The following UBA6 variants were observed in gnomAD, a reference collection of about 807,000 sequenced individuals.
UBA6 encodes the protein ubiquitin like modifier activating enzyme 6, also known as ubiquitin-like modifier-activating enzyme 6.
Under a neutral mutation model 148.3 loss-of-function variants are expected in UBA6, and 87 were observed. That is an observed-to-expected ratio of 0.59 (90% CI 0.49 to 0.70). The LOEUF (loss-of-function observed/expected upper bound fraction) is 0.70, where lower values mean the gene tolerates loss of function less well. UBA6 is among the 30% of genes least tolerant of loss of function. UBA6 has a pLI of 0.00. For synonymous variants in UBA6, 376 were observed against 401.0 expected (o/e 0.94, Z 0.75); for missense variants, 1,186 against 1,241.2 (o/e 0.96, Z 0.67).
chr4:67,677,166 T>C (rs977250620), intron 6 of UBA6, among the ~76,000 whole-genome samples: 5 of 152,328 alleles, frequency 3.3e-5, no homozygotes, highest in East Asian at 3.9e-4. Flanking sequence ...GAAATGTGCA[T>C]GTGTGGCTGG....
At chr4:67,699,241 C>T (rs978414071) in intron 1 of UBA6, among the ~76,000 whole-genome samples, 1 of 152,120 alleles carries the variant, frequency 6.6e-6, no homozygotes, top group Non-Finnish European at 1.5e-5. Context: ...GAAGTGGAGG[C>T]CATTCCTAGT....
Position 67,619,002 on chromosome 4 carries a change from CAGTGTCATGACTGAAGT to C in UBA6, c.3137_3153del (p.Tyr1046Ter), listed in dbSNP as rs1728690583. 6.2e-7 allele frequency: 1 copy of C among 1,613,236 alleles called. No individual in the cohort carries two copies. The highest frequency in any genetic ancestry group is 1.3e-5 in the African/African-American group (1 of 74,882). Reference sequence around the variant, plus strand: ...TAACGTTAAGACAACTTGTATTAATCAGTGTCATGACTGAAGTAGTATCTTACTGGAGGTCCCGGCAA... The same window carrying C: ...TAACGTTAAGACAACTTGTATTAATCAGTATCTTACTGGAGGTCCCGGCAA... On this transcript the variant is annotated frameshift_variant, in exon 33 of 33. Coordinates refer to ENST00000322244, the MANE Select transcript of UBA6 (RefSeq NM_018227.6). LOFTEE classifies it high-confidence loss of function.
rs1295509576 is a variant in UBA6, at chr4:67,615,635, T to C, written c.*3362A>G. On this transcript the variant is annotated 3_prime_UTR_variant, in exon 33 of 33. Transcript: ENST00000322244. Reference sequence around the variant, plus strand: ...CCTGAAACTAAAAACATCCCAATTGTCTACAGTAAATAAATTGTGGCATAT... The same window carrying C: ...CCTGAAACTAAAAACATCCCAATTGCCTACAGTAAATAAATTGTGGCATAT... The C allele has an allele frequency of 6.6e-6, 1 of 152,304 alleles. No homozygotes were observed. Among genetic ancestry groups the C allele is most frequent in the East Asian group, 1.9e-4 (1 of 5,204 alleles). 9.4% of individuals were successfully genotyped at this position (152,304 alleles called of 1,614,324 possible).
intron 4 of UBA6, 34 bp from the exon 5 acceptor site, chr4:67,678,567 G>T: frequency 7.9e-7 from 1 of 1,259,428 alleles, no homozygotes; most frequent in Non-Finnish European, 1.1e-6. Flanking sequence ...GTTGAAGTCA[G>T]GAGTTCAAGG....
At chr4:67,696,332 T>G (rs1050760738) in intron 2 of UBA6, among the ~76,000 whole-genome samples, 2 of 151,988 alleles carry the variant, frequency 1.3e-5, no homozygotes, top group East Asian at 3.9e-4. Context: ...ATTATCCGAA[T>G]GTAGATAAAA....
chr4:67,624,971 T>C, intron 29 of UBA6, 23 bp downstream of exon 29: 1 of 1,556,268 alleles, frequency 6.4e-7, no homozygotes, highest in Non-Finnish European at 8.8e-7. Flanking sequence ...GGAGCATTTT[T>C]ATTCAAGGAA....
chr4:67,670,023 A>G (rs11131720), intron 8 of UBA6, among the ~76,000 whole-genome samples: 34,944 of 152,130 alleles, frequency 0.23, 4,176 homozygotes, highest in Middle Eastern at 0.3. Context: ...ATCTTGGCTT[A>G]CTGCAACTTC....
At chr4:67,687,577 G>A (rs116093221) in intron 2 of UBA6, among the ~76,000 whole-genome samples, 22 of 152,104 alleles carry the variant, frequency 1.4e-4, no homozygotes, top group Non-Finnish European at 2.8e-4. Flanking sequence ...TAAAAATGAA[G>A]GTCTTGAACT....
chr4:67,625,418 T>C (rs1728844960), intron 28 of UBA6, among the ~76,000 whole-genome samples: 1 of 151,552 alleles, frequency 6.6e-6, no homozygotes, highest in African/African-American at 2.4e-5. Flanking sequence ...AACGATGGTT[T>C]TAATGCCACT....
rs1030177054 is a variant in UBA6, at chr4:67,617,960, A to T, written c.*1037T>A. The stretch of plus-strand genomic sequence containing the variant: ...GAAAACAAAGTTTCTCTCAATAAAG[A>T]CCTTAAAAAATAAATTTTTATCTTC... On this transcript the variant is annotated 3_prime_UTR_variant, in exon 33 of 33. Coordinates refer to ENST00000322244, the MANE Select transcript of UBA6 (RefSeq NM_018227.6). 6.6e-6 allele frequency: 1 copy of T among 151,492 alleles called. No homozygotes were observed. The highest frequency in any genetic ancestry group is 2.4e-5 in the African/African-American group (1 of 41,274). 9.4% of individuals were successfully genotyped at this position (151,492 alleles called of 1,614,324 possible). A position where few individuals can be genotyped will look rare whatever the true frequency, so the allele number is the denominator to read the frequency against.
In UBA6 at chr4:67,619,060, A is replaced by T. The variant is rs1728692997; in HGVS notation, c.3096T>A (p.Ile1032=). ...GTCCCGGCAAATCTTCATCTCCATC[A>T]ATGTCTGGAGCAAATGACACAGTAA... is the stretch of plus-strand genomic sequence containing the variant. ...VDLTVSFAPD[I]DGDEDLPGPP... is the part of the protein sequence containing the mutation. Residue 1032 remains isoleucine, a synonymous_variant, in exon 33 of 33, where the codon ATT becomes ATA. Transcript: ENST00000322244. 2 of 1,612,586 alleles carry T rather than the reference A, an allele frequency of 1.2e-6. No individual in the cohort carries two copies. Among genetic ancestry groups the T allele is most frequent in the Non-Finnish European group, 1.7e-6 (2 of 1,178,754 alleles).
At chr4:67,676,119 G>A (rs1246640384) in intron 6 of UBA6, among the ~76,000 whole-genome samples, 1 of 151,044 alleles carries the variant, frequency 6.6e-6, no homozygotes, top group African/African-American at 2.4e-5. Flanking sequence ...CGCCTCCCGG[G>A]TTCAAGCGAT....
intron 29 of UBA6, among the ~76,000 whole-genome samples, 153 bp downstream of exon 29, chr4:67,624,841 A>G (rs1728828739): frequency 6.6e-6 from 1 of 152,078 alleles, no homozygotes; most frequent in Admixed American, 6.6e-5. Context: ...AGATGACTGC[A>G]TTTTCAGAAA....
chr4:67,681,702 C>T lies in UBA6; in HGVS notation c.230-111G>A, dbSNP rs111706810. ...TGCATACTTTTAACTTCTTTTTTTA[C>T]TACTTAATACAAGTTCCTTGTCTTA... On this transcript the variant is annotated intron_variant, in intron 3 of 32. Transcript: ENST00000322244. 3.5e-3 allele frequency: 2,355 copies of T among 677,286 alleles called. 54 individuals are homozygous for T. The African/African-American group carries it at 0.04, about 11-fold the overall frequency. The allele number at this position is 677,286 out of a possible 1,614,324, so 42.0% of individuals were successfully genotyped here.
intron 13 of UBA6, among the ~76,000 whole-genome samples, chr4:67,652,811 C>T (rs1019189838): frequency 3.3e-5 from 5 of 152,344 alleles, no homozygotes; most frequent in Admixed American, 1.3e-4. Context: ...AAAAACGGTA[C>T]ACTTCCGCCC....
At position 67,631,927 on chromosome 4, in the gene UBA6, T is replaced by A; in HGVS notation, c.2143-19A>T. 1 of 1,604,896 alleles carries A rather than the reference T, an allele frequency of 6.2e-7. No homozygotes were observed. The highest frequency in any genetic ancestry group is 8.5e-7 in the Non-Finnish European group (1 of 1,175,794). ...GAAGAGCCTAAAGAAAAAAAATGAA[T>A]TAAAGACACCCACTACTTAATATTA... On this transcript the variant is annotated intron_variant, in intron 23 of 32. Coordinates refer to ENST00000322244, the MANE Select transcript of UBA6 (RefSeq NM_018227.6).
intron 28 of UBA6, among the ~76,000 whole-genome samples, chr4:67,625,405 A>G (rs1728843860): frequency 6.6e-6 from 1 of 151,718 alleles, no homozygotes; most frequent in Non-Finnish European, 1.5e-5. Flanking sequence ...TTAAAAAAAA[A>G]AAAACGATGG....
intron 2 of UBA6, among the ~76,000 whole-genome samples, chr4:67,685,082 G>A (rs1730526210): frequency 6.6e-6 from 1 of 151,988 alleles, no homozygotes; most frequent in Non-Finnish European, 1.5e-5. Context: ...AGGTTTATGA[G>A]AGAGAGAAAA....
chr4:67,681,484 G>T, intron 4 of UBA6, 79 bp downstream of exon 4: 1 of 908,010 alleles, frequency 1.1e-6, no homozygotes, highest in Non-Finnish European at 1.7e-6. Context: ...TTAAAACAAA[G>T]TATAAACAAT....
Sources: allele counts gnomAD v4.1 joint callset (sites outside exome capture counted in the v4.1 genomes callset), GRCh38; gene constraint gnomAD v4.1.1; transcripts MANE v1.5; gene names NCBI Gene and HGNC (gene_info 2026-07-23, HGNC 2026-07-21).